Variants in NXN observed in about 807,000 individuals in gnomAD.
The protein encoded by NXN is nucleoredoxin.
A neutral mutation model predicts 48.6 loss-of-function variants in NXN; 16 were observed. The ratio of observed to expected loss-of-function variants is 0.33; its 90% CI spans 0.22 to 0.50. NXN has a LOEUF of 0.50. NXN is among the 20% of genes least tolerant of loss of function. NXN has a pLI of 0.98. For missense variants in NXN, 492 were observed against 605.5 expected (o/e 0.81, Z 1.97); for synonymous variants, 281 against 269.6 (o/e 1.04, Z -0.41).
intron 1 of NXN, among the ~76,000 whole-genome samples, chr17:972,800 C>G (rs950942154): frequency 3.3e-5 from 5 of 152,064 alleles, no homozygotes; most frequent in African/African-American, 9.7e-5. Flanking sequence ...GGGAGGCTGA[C>G]GCGGGTGGAT....
At chr17:927,779 C>A (rs1455824084) in intron 1 of NXN, among the ~76,000 whole-genome samples, 2 of 151,960 alleles carry the variant, frequency 1.3e-5, no homozygotes, top group Non-Finnish European at 2.9e-5. Flanking sequence ...ACAAAAGGGA[C>A]GGGCTTAGAG....
chr17:962,006 G>A (rs1050379237), intron 1 of NXN, among the ~76,000 whole-genome samples: 13 of 151,624 alleles, frequency 8.6e-5, no homozygotes, highest in Admixed American at 1.3e-4. Flanking sequence ...GTGGTGGCGC[G>A]TGCCTGTAAT....
rs1175320782 is a variant in NXN at position 882,633 on chromosome 17, T to A, written c.361-56555A>T. ...GGCGCCCACCACCATGCCCGGCTAA[T>A]TTTTTGTATTTTTAGTAGAGACAGG... On this transcript the variant is annotated intron_variant, in intron 1 of 7. Coordinates refer to ENST00000336868, the MANE Select transcript of NXN (RefSeq NM_022463.5). Among the ~76,000 whole-genome samples the A allele has an allele frequency of 2.0e-5, 3 of 151,412 alleles. No homozygotes were observed. In the East Asian group the frequency reaches 5.8e-4, roughly 29 times the overall value.
intron 1 of NXN, among the ~76,000 whole-genome samples, chr17:841,897 G>T (rs113539644): frequency 0.018 from 2,732 of 152,300 alleles, 84 homozygotes; most frequent in African/African-American, 0.063. Flanking sequence ...AGCACTTTGG[G>T]AGGCCGAGGT....
intron 1 of NXN, among the ~76,000 whole-genome samples, chr17:945,295 T>A (rs1190095923): frequency 6.6e-6 from 1 of 151,570 alleles, no homozygotes; most frequent in African/African-American, 2.4e-5. Context: ...TTGGCCAGGC[T>A]GGTCTCCAAC....
In NXN at chr17:919,009, G is replaced by A. The variant is rs1348801433; in HGVS notation, c.360+60310C>T. 6.6e-6 allele frequency among the ~76,000 whole-genome samples: 1 copy of A among 151,862 alleles called. No individual in the cohort carries two copies. Among genetic ancestry groups the A allele is most frequent in the East Asian group, 1.9e-4 (1 of 5,182 alleles). Reference sequence around the variant, plus strand: ...GAGGCCAGGAGTTTGAGGCTGCAGTGAGCTATGATTGCACCACTGCACTCC... The same window carrying A: ...GAGGCCAGGAGTTTGAGGCTGCAGTAAGCTATGATTGCACCACTGCACTCC... On this transcript the variant is annotated intron_variant, in intron 1 of 7. Coordinates refer to ENST00000336868, the MANE Select transcript of NXN (RefSeq NM_022463.5). The surrounding 1 kb of genome is among the most constrained non-coding windows in gnomAD (Gnocchi z 5.1).
rs571993650 is a variant in NXN at position 917,612 on chromosome 17, C to T, written c.360+61707G>A. Among the ~76,000 whole-genome samples, 325 of 152,326 alleles carry T rather than the reference C, an allele frequency of 2.1e-3. 1 individual carries two copies. The highest frequency in any genetic ancestry group is 7.1e-3 in the African/African-American group (295 of 41,582). Reference sequence around the variant, plus strand: ...TGGTGTCTACAGGCTCGATTCCCAGCTCTCCCACAAGGACGTGGCTCAGAC... The same window carrying T: ...TGGTGTCTACAGGCTCGATTCCCAGTTCTCCCACAAGGACGTGGCTCAGAC... On this transcript the variant is annotated intron_variant, in intron 1 of 7. Transcript: ENST00000336868. The surrounding 1 kb of genome is among the most constrained non-coding windows in gnomAD (Gnocchi z 4.5).
chr17:943,209 T>C (rs1011022174), intron 1 of NXN, among the ~76,000 whole-genome samples: 2 of 152,198 alleles, frequency 1.3e-5, no homozygotes, highest in Non-Finnish European at 2.9e-5. Flanking sequence ...TCGACTAAAA[T>C]GTTTGTGAAC....
chr17:861,721 G>T (rs1448485628), intron 1 of NXN, among the ~76,000 whole-genome samples: 1 of 151,822 alleles, frequency 6.6e-6, no homozygotes, highest in Non-Finnish European at 1.5e-5. Context: ...TTGGGATACG[G>T]TAAAAAATAG....
chr17:902,119 C>G (rs2068542965), intron 1 of NXN, among the ~76,000 whole-genome samples: 1 of 152,186 alleles, frequency 6.6e-6, no homozygotes, highest in Non-Finnish European at 1.5e-5. Flanking sequence ...GGGTGTTTGT[C>G]CCAGCTAGTG....
intron 1 of NXN, among the ~76,000 whole-genome samples, chr17:866,135 C>A (rs900217343): frequency 1.3e-5 from 2 of 151,986 alleles, no homozygotes; most frequent in African/African-American, 4.8e-5. Flanking sequence ...GCTGTTATTG[C>A]AACAATTAAA....
intron 1 of NXN, among the ~76,000 whole-genome samples, chr17:829,458 C>CTTT (rs34243095): frequency 1.7e-4 from 24 of 141,008 alleles, no homozygotes; most frequent in Admixed American, 4.3e-4. Context: ...CTCGGACTAT[C>CTTT]TTTTTTTTTT....
intron 5 of NXN, among the ~76,000 whole-genome samples, chr17:811,836 G>C (rs1447702676): frequency 6.6e-6 from 1 of 150,958 alleles, no homozygotes; most frequent in African/African-American, 2.4e-5. Context: ...GGCAGCATTT[G>C]GCAGGCCCCC....
intron 5 of NXN, among the ~76,000 whole-genome samples, chr17:809,574 G>A (rs1438182686): frequency 2.0e-5 from 3 of 152,156 alleles, no homozygotes; most frequent in Admixed American, 1.3e-4. Context: ...GCATCTGGAT[G>A]GCAACGTGAT....
intron 5 of NXN, among the ~76,000 whole-genome samples, chr17:811,764 G>T (rs1328665565): frequency 2.6e-5 from 4 of 152,094 alleles, no homozygotes; most frequent in Non-Finnish European, 5.9e-5. Context: ...GACAGCTCAA[G>T]GGCACAGCCT....
intron 1 of NXN, among the ~76,000 whole-genome samples, chr17:866,981 G>A (rs1384428336): frequency 6.6e-6 from 1 of 151,964 alleles, no homozygotes; most frequent in Non-Finnish European, 1.5e-5. Flanking sequence ...AAGTTCTCGG[G>A]GTTCTCCGGG....
At chr17:955,795 G>A (rs1214203252) in intron 1 of NXN, among the ~76,000 whole-genome samples, 4 of 152,124 alleles carry the variant, frequency 2.6e-5, no homozygotes, top group East Asian at 2.0e-4. Flanking sequence ...CCAGCAACTC[G>A]GGAGGCTGAG....
intron 1 of NXN, among the ~76,000 whole-genome samples, chr17:870,399 AGAGT>A (rs964866462): frequency 6.7e-6 from 1 of 150,264 alleles, no homozygotes; most frequent in Non-Finnish European, 1.5e-5. Context: ...TCACGTGATC[AGAGT>A]GAGGCGGCCT....
intron 4 of NXN, 83 bp downstream of exon 4, chr17:822,273 CT>C: frequency 1.0e-6 from 1 of 962,862 alleles, no homozygotes; most frequent in Non-Finnish European, 1.6e-6. Flanking sequence ...GAGCAAGACT[CT>C]GTCTCAGAAA....
Sources: gnomAD v4.1 joint callset for allele counts (sites outside exome capture counted in the v4.1 genomes callset) on GRCh38, gnomAD v4.1.1 for gene constraint, Gnocchi (gnomAD v3.1) non-coding constraint, MANE v1.5 for transcripts, NCBI Gene and HGNC (gene_info 2026-07-23, HGNC 2026-07-21) for gene names.